IFRD1: variants seen among roughly 807,000 people sequenced by gnomAD.
IFRD1 encodes the protein interferon related developmental regulator 1.
In IFRD1, 35 loss-of-function variants were observed where a neutral mutation model predicts 52.9. The ratio of observed to expected loss-of-function variants is 0.66; its 90% CI spans 0.51 to 0.88. The LOEUF (loss-of-function observed/expected upper bound fraction) is 0.88, where lower values mean the gene tolerates loss of function less well. Ranked by LOEUF, IFRD1 falls within the 40% of genes least tolerant of loss-of-function variation. The probability of loss-of-function intolerance (pLI) is 0.00; values close to 1 mark genes in which losing one functional copy is unlikely to be tolerated. For synonymous variants in IFRD1, 184 were observed against 188.4 expected, an observed-to-expected ratio of 0.98 and a Z score of 0.19; for missense variants, 517 against 550.8, an observed-to-expected ratio of 0.94 and a Z score of 0.61.
upstream of IFRD1, among the ~76,000 whole-genome samples, chr7:112,449,273 G>A (rs1007597086): frequency 6.6e-6 from 1 of 152,062 alleles, no homozygotes; most frequent in Non-Finnish European, 1.5e-5. Context: ...TGGGGAGGGG[G>A]TGGTGCATCA....
intron 9 of IFRD1, among the ~76,000 whole-genome samples, chr7:112,469,417 A>G (rs1453542303): frequency 6.6e-6 from 1 of 152,204 alleles, no homozygotes; most frequent in East Asian, 1.9e-4. Context: ...TCTGGATTTT[A>G]TAGTCTAAAA....
chr7:112,423,500 A>G (rs768930954), intron 1 of IFRD1: 4 of 152,214 alleles, frequency 2.6e-5, no homozygotes, highest in Non-Finnish European at 5.9e-5. Context: ...TCAAGGACTA[A>G]GATGCTACTC....
At chr7:112,465,006 A>G (rs1795571633) in intron 8 of IFRD1, among the ~76,000 whole-genome samples, 1 of 152,178 alleles carries the variant, frequency 6.6e-6, no homozygotes, top group African/African-American at 2.4e-5. Context: ...ACCTTGACAA[A>G]GATATTCTGC....
intron 5 of IFRD1, chr7:112,461,623 A>G (rs1474274358): frequency 1.1e-5 from 3 of 280,156 alleles, no homozygotes. Context: ...AAGACTGAAG[A>G]GGAACAGAAT....
At chr7:112,433,202 CTG>C (rs1377583905) in intron 1 of IFRD1, among the ~76,000 whole-genome samples, 2 of 152,140 alleles carry the variant, frequency 1.3e-5, no homozygotes, top group Non-Finnish European at 2.9e-5. Context: ...GTACAGGAGA[CTG>C]GAGTTTTATT....
chr7:112,461,877 C>A lies in IFRD1; in HGVS notation c.579C>A (p.Cys193Ter). 1 of 1,589,440 alleles carries A rather than the reference C, an allele frequency of 6.3e-7. No individual in the cohort carries two copies. Among genetic ancestry groups the A allele is most frequent in the Non-Finnish European group, 8.6e-7 (1 of 1,160,136 alleles). ...SMQARQTCAT[C>*]FGVCCFIATD... ...ATTTTTTTTTTTAGTGTGCAACTTG[C>A]TTTGGTGTTTGCTGTTTTATTGCCA... The change falls in exon 6 of 12, where the codon TGC (cysteine) becomes TGA (stop). Residue 193 changes from cysteine (C) to a stop codon, truncating the protein, a stop_gained. Coordinates refer to ENST00000403825, the MANE Select transcript of IFRD1 (RefSeq NM_001550.4). LOFTEE classifies it high-confidence loss of function.
chr7:112,436,996 TTTTG>T (rs1041172490), intron 1 of IFRD1, among the ~76,000 whole-genome samples: 4 of 152,162 alleles, frequency 2.6e-5, no homozygotes, highest in Admixed American at 1.3e-4. Context: ...GAACAGTTTT[TTTTG>T]TTTGTTTGTT....
At chr7:112,472,647 A>C in intron 10 of IFRD1, 119 bp from the exon 11 acceptor site, 1 of 777,616 alleles carries the variant, frequency 1.3e-6, no homozygotes, top group Non-Finnish European at 2.3e-6. Flanking sequence ...ACAGAAAATA[A>C]GTGATCTAAG....
chr7:112,425,671 T>C (rs1009335961), intron 1 of IFRD1, among the ~76,000 whole-genome samples: 1 of 152,160 alleles, frequency 6.6e-6, no homozygotes, highest in African/African-American at 2.4e-5. Context: ...GGTGGCCTAT[T>C]GTGGGACTCC....
intron 1 of IFRD1, among the ~76,000 whole-genome samples, chr7:112,440,204 C>G (rs1479150854): frequency 6.6e-6 from 1 of 152,080 alleles, no homozygotes. Context: ...AGGCTAGTCT[C>G]GAACTCCTGA....
At chr7:112,446,858 C>A (rs1795042667), upstream of IFRD1, among the ~76,000 whole-genome samples, 1 of 152,024 alleles carries the variant, frequency 6.6e-6, no homozygotes, top group Non-Finnish European at 1.5e-5. Context: ...CTAGGTAAGG[C>A]CTGGAAGCTT....
intron 9 of IFRD1, among the ~76,000 whole-genome samples, chr7:112,470,674 A>G (rs1795723333): frequency 6.6e-6 from 1 of 152,236 alleles, no homozygotes; most frequent in African/African-American, 2.4e-5. Context: ...GATCCCCCTC[A>G]GATACCAAAA....
At chr7:112,430,733 C>G (rs1459125151) in intron 1 of IFRD1, among the ~76,000 whole-genome samples, 1 of 152,196 alleles carries the variant, frequency 6.6e-6, no homozygotes, top group Admixed American at 6.5e-5. Flanking sequence ...CTTTCTATCT[C>G]TGTTCATTTT....
At chr7:112,461,807 T>A in intron 5 of IFRD1, 59 bp from the exon 6 acceptor site, 2 of 906,788 alleles carry the variant, frequency 2.2e-6, no homozygotes, top group Non-Finnish European at 3.4e-6. Context: ...AGCAGGAAGA[T>A]GTAGAATTAA....
upstream of IFRD1, chr7:112,450,451 C>T (rs1795123595): frequency 1.8e-6 from 1 of 568,774 alleles, no homozygotes; most frequent in Non-Finnish European, 3.2e-6. Flanking sequence ...TCGTGGCCTC[C>T]CCTGCCCCGC....
At chr7:112,433,652 C>T (rs2396536) in intron 1 of IFRD1, among the ~76,000 whole-genome samples, 136,642 of 152,284 alleles carry the variant, frequency 0.9, 61,585 homozygotes, top group African/African-American at 0.97. Flanking sequence ...TTATCATCCT[C>T]TGTTTCAAAG....
At chr7:112,436,927 G>A (rs914715104) in intron 1 of IFRD1, among the ~76,000 whole-genome samples, 1 of 152,152 alleles carries the variant, frequency 6.6e-6, no homozygotes, top group Non-Finnish European at 1.5e-5. Context: ...GGAGCTGCAA[G>A]CAATCTTGCT....
intron 5 of IFRD1, 25 bp downstream of exon 5, chr7:112,459,043 T>C: frequency 6.3e-7 from 1 of 1,589,024 alleles, no homozygotes; most frequent in Non-Finnish European, 8.6e-7. Flanking sequence ...TTTACATTTA[T>C]AGATCTGTCT....
Position 112,440,760 on chromosome 7 carries a change from G to A in IFRD1, c.-181-9748G>A, listed in dbSNP as rs191639029. 2.0e-3 allele frequency among the ~76,000 whole-genome samples: 302 copies of A among 152,292 alleles called. 1 individual carries two copies. Among genetic ancestry groups the A allele is most frequent in the African/African-American group, 6.9e-3 (287 of 41,544 alleles). On this transcript the variant is annotated intron_variant, in intron 1 of 12. Transcript: ENST00000005558. ...ACACTAATCAAAAAAACAGAGGAGT[G>A]CTAAGGAGAAACTGTAAACTATCCT...
Sources: gnomAD v4.1 joint callset for allele counts (sites outside exome capture counted in the v4.1 genomes callset) on GRCh38, gnomAD v4.1.1 for gene constraint, MANE v1.5 for transcripts, NCBI Gene and HGNC (gene_info 2026-07-23, HGNC 2026-07-21) for gene names.